ERC2: variants seen among roughly 807,000 people sequenced by gnomAD.
The protein encoded by ERC2 is ELKS/RAB6-interacting/CAST family member 2.
Under a neutral mutation model 114.8 loss-of-function variants are expected in ERC2, and 42 were observed. That is an observed-to-expected ratio of 0.37 (90% CI 0.29 to 0.47). ERC2 has a LOEUF of 0.47. Among genes scored for constraint, ERC2 ranks in the 20% least tolerant of loss-of-function variants. ERC2 has a pLI of 0.99. For missense variants in ERC2, 939 were observed against 1,150.7 expected, an observed-to-expected ratio of 0.82 and a Z score of 2.66; for synonymous variants, 454 against 425.5, an observed-to-expected ratio of 1.07 and a Z score of -0.82.
At chr3:56,184,144 T>G (rs1321359204) in intron 3 of ERC2, among the ~76,000 whole-genome samples, 3 of 152,158 alleles carry the variant, frequency 2.0e-5, no homozygotes, top group African/African-American at 7.2e-5. Context: ...CATTAAAGAC[T>G]TTTTCACAGA....
intron 2 of ERC2, among the ~76,000 whole-genome samples, chr3:56,410,203 G>GAT (rs2060888308): frequency 1.3e-5 from 2 of 152,152 alleles, no homozygotes; most frequent in Admixed American, 1.3e-4. Context: ...CAAATTTTGG[G>GAT]ATATATATAG....
At chr3:55,713,208 T>C (rs1434133601) in intron 15 of ERC2, among the ~76,000 whole-genome samples, 2 of 151,496 alleles carry the variant, frequency 1.3e-5, no homozygotes, top group African/African-American at 2.4e-5. Flanking sequence ...CTTTTCCTTA[T>C]TAAAAAAAAA....
At chr3:56,277,990 T>C (rs546556780) in intron 3 of ERC2, among the ~76,000 whole-genome samples, 5 of 152,218 alleles carry the variant, frequency 3.3e-5, no homozygotes, top group Admixed American at 3.3e-4. Context: ...GGCAGAGTAA[T>C]CCCCTTCCTG....
At chr3:56,068,383 T>C (rs2076577365) in intron 7 of ERC2, among the ~76,000 whole-genome samples, 1 of 152,202 alleles carries the variant, frequency 6.6e-6, no homozygotes, top group African/African-American at 2.4e-5. Context: ...TCAGTGGTGA[T>C]ATCTCCTTTA....
At chr3:55,621,152 C>T (rs926710274) in intron 17 of ERC2, among the ~76,000 whole-genome samples, 2 of 151,892 alleles carry the variant, frequency 1.3e-5, no homozygotes, top group South Asian at 4.1e-4. Flanking sequence ...TTGACTCTAA[C>T]TGCCCCCCCT....
At chr3:56,047,121 A>G (rs2075512704) in intron 7 of ERC2, among the ~76,000 whole-genome samples, 1 of 152,250 alleles carries the variant, frequency 6.6e-6, no homozygotes, top group Non-Finnish European at 1.5e-5. Flanking sequence ...GGATATTTAA[A>G]GAAGCAATCT....
intron 6 of ERC2, among the ~76,000 whole-genome samples, chr3:56,096,711 C>G (rs2078086245): frequency 6.6e-6 from 1 of 152,090 alleles, no homozygotes; most frequent in Non-Finnish European, 1.5e-5. Context: ...ATTACACTTA[C>G]ATGTGTGTGT....
chr3:55,859,167 G>C (rs2061914854), intron 14 of ERC2, among the ~76,000 whole-genome samples: 1 of 152,166 alleles, frequency 6.6e-6, no homozygotes, highest in Admixed American at 6.5e-5. Context: ...GAGACATACA[G>C]CTCTTTTGGG....
rs1035391724 is a variant in ERC2 at position 56,166,438 on chromosome 3, T to G, written c.1149+7008A>C. On this transcript the variant is annotated intron_variant, in intron 4 of 17. Coordinates refer to ENST00000288221, the MANE Select transcript of ERC2 (RefSeq NM_015576.3). ...CTATTCTAGAAGAGTTTCTGTATGA[T>G]TGATTTCATTTCCTCTTCAAACATT... Among the ~76,000 whole-genome samples the G allele has an allele frequency of 3.3e-5, 5 of 152,098 alleles. No individual in the cohort carries two copies. In the South Asian group the frequency reaches 1.0e-3, roughly 31 times the overall value.
intron 17 of ERC2, among the ~76,000 whole-genome samples, chr3:55,591,331 T>C (rs923264391): frequency 2.6e-5 from 4 of 152,076 alleles, no homozygotes; most frequent in African/African-American, 9.7e-5. Flanking sequence ...TCTCCACCTT[T>C]GTGGGACCCA....
chr3:55,781,071 G>C (rs1449249620), intron 14 of ERC2, among the ~76,000 whole-genome samples: 4 of 152,190 alleles, frequency 2.6e-5, no homozygotes, highest in Non-Finnish European at 5.9e-5. Context: ...TATCATGGCT[G>C]TTGTTTTGGG....
chr3:56,340,986 A>G (rs1385310688), intron 2 of ERC2, among the ~76,000 whole-genome samples: 3 of 151,416 alleles, frequency 2.0e-5, no homozygotes, highest in South Asian at 2.1e-4. Context: ...TTTGGGGGGG[A>G]AAAAATCCTG....
intron 3 of ERC2, among the ~76,000 whole-genome samples, chr3:56,216,405 A>C (rs1264795488): frequency 4.6e-5 from 7 of 152,240 alleles, no homozygotes; most frequent in East Asian, 1.9e-4. Context: ...GAAATGGATA[A>C]ATTCCTCGAC....
intron 6 of ERC2, among the ~76,000 whole-genome samples, chr3:56,100,652 T>C (rs923149745): frequency 1.3e-5 from 2 of 152,246 alleles, no homozygotes; most frequent in African/African-American, 4.8e-5. Context: ...GCAAATTTCA[T>C]CATATTCATA....
chr3:56,061,635 C>A (rs1019408996), intron 7 of ERC2, among the ~76,000 whole-genome samples: 12 of 152,122 alleles, frequency 7.9e-5, no homozygotes, highest in Non-Finnish European at 1.3e-4. Flanking sequence ...CAGAAACATA[C>A]AACAAATGTT....
intron 14 of ERC2, among the ~76,000 whole-genome samples, chr3:55,810,931 C>T (rs1051411310): frequency 6.6e-6 from 1 of 152,148 alleles, no homozygotes; most frequent in African/African-American, 2.4e-5. Context: ...GTAGTTTCCA[C>T]AGGCTAAATT....
intron 13 of ERC2, among the ~76,000 whole-genome samples, chr3:55,947,247 T>C (rs537771517): frequency 1.3e-5 from 2 of 152,208 alleles, no homozygotes; most frequent in African/African-American, 2.4e-5. Flanking sequence ...GAGTTCCCTA[T>C]AGCTCCCCAC....
chr3:56,196,425 T>C (rs182924603), intron 3 of ERC2, among the ~76,000 whole-genome samples: 1 of 151,986 alleles, frequency 6.6e-6, no homozygotes, highest in African/African-American at 2.4e-5. Flanking sequence ...CAGGCAATGG[T>C]ATCCACAGTC....
chr3:55,664,491 C>T (rs1018404636), intron 17 of ERC2, among the ~76,000 whole-genome samples: 4 of 152,188 alleles, frequency 2.6e-5, no homozygotes, highest in Admixed American at 6.5e-5. Flanking sequence ...CTCCTGAGCC[C>T]GAGCTCACGA....
Sources: allele counts gnomAD v4.1 joint callset (sites outside exome capture counted in the v4.1 genomes callset), GRCh38; gene constraint gnomAD v4.1.1; transcripts MANE v1.5; gene names NCBI Gene and HGNC (gene_info 2026-07-23, HGNC 2026-07-21).